The following ANTXR1 variants were observed in gnomAD, a reference collection of about 807,000 sequenced individuals.
ANTXR1 encodes anthrax toxin receptor 1.
In ANTXR1, 19 loss-of-function variants were observed where a neutral mutation model predicts 78.1. That is an observed-to-expected ratio of 0.24 (90% CI 0.17 to 0.36). The LOEUF (loss-of-function observed/expected upper bound fraction) is 0.36, where lower values mean the gene tolerates loss of function less well. ANTXR1 is among the 10% of genes least tolerant of loss of function. The pLI is 1.00. For missense variants in ANTXR1, 518 were observed against 718.6 expected (o/e 0.72, Z 3.19); for synonymous variants, 273 against 260.5 (o/e 1.05, Z -0.46).
intron 1 of ANTXR1, among the ~76,000 whole-genome samples, chr2:69,015,395 G>A (rs1365728258): frequency 2.6e-5 from 4 of 151,798 alleles, no homozygotes; most frequent in Non-Finnish European, 4.4e-5. Flanking sequence ...GATGGTAAAG[G>A]CCAAAGAATA....
chr2:69,245,715 T>C lies in ANTXR1; in HGVS notation c.*230T>C. The C allele has an allele frequency of 3.6e-6, 2 of 553,204 alleles. No individual in the cohort carries two copies. Among genetic ancestry groups the C allele is most frequent in the Non-Finnish European group, 6.3e-6 (2 of 315,508 alleles). The allele number at this position is 553,204 out of a possible 1,614,324, so 34.3% of individuals were successfully genotyped here. ...CTACAGTCAGATTTATAGCCAGCCA[T>C]CTATCACCTCTAGAAGGTTCCAGAG... On this transcript the variant is annotated 3_prime_UTR_variant, in exon 18 of 18. Coordinates refer to ENST00000303714, the MANE Select transcript of ANTXR1 (RefSeq NM_032208.3).
In ANTXR1 at chr2:69,044,811, C is replaced by T; in HGVS notation, c.294C>T (p.Asp98=). 2 of 1,613,692 alleles carry T rather than the reference C, an allele frequency of 1.2e-6. No individual in the cohort carries two copies. The highest frequency in any genetic ancestry group is 8.5e-7 in the Non-Finnish European group (1 of 1,179,658). The change falls in exon 3 of 18, where the codon GAC becomes GAT. Residue 98 remains aspartate (D), a splice_region_variant and synonymous_variant. Transcript: ENST00000303714. The part of the protein sequence containing the change: ...RGTTLMKLTE[D]REQIRQGLEE... ...CAACCTTAATGAAACTGACAGAAGA[C>T]AGGTAAGGATACTTCTTATCTCTGT... is the stretch of plus-strand genomic sequence containing the variant.
chr2:69,069,512 T>A (rs1021116129), intron 3 of ANTXR1, among the ~76,000 whole-genome samples: 1 of 152,202 alleles, frequency 6.6e-6, no homozygotes, highest in Non-Finnish European at 1.5e-5. Flanking sequence ...GAACTGCCAT[T>A]GCCTTTCACT....
At chr2:69,137,202 A>G (rs1672934239) in intron 12 of ANTXR1, among the ~76,000 whole-genome samples, 1 of 152,004 alleles carries the variant, frequency 6.6e-6, no homozygotes, top group Admixed American at 6.5e-5. Flanking sequence ...TTTTAAGTTT[A>G]TGGTTCTACT....
At chr2:69,120,433 A>G (rs1407311037) in intron 10 of ANTXR1, among the ~76,000 whole-genome samples, 1 of 152,228 alleles carries the variant, frequency 6.6e-6, no homozygotes, top group Non-Finnish European at 1.5e-5. Flanking sequence ...TGGGAGGCCG[A>G]GGCAGGCGGA....
At chr2:69,109,857 C>T (rs1224941482) in intron 10 of ANTXR1, among the ~76,000 whole-genome samples, 1 of 152,066 alleles carries the variant, frequency 6.6e-6, no homozygotes, top group African/African-American at 2.4e-5. Flanking sequence ...TTTTTAAATT[C>T]TCTTGTTAAA....
At chr2:69,094,939 A>T (rs1056702148) in intron 9 of ANTXR1, among the ~76,000 whole-genome samples, 1 of 152,238 alleles carries the variant, frequency 6.6e-6, no homozygotes, top group African/African-American at 2.4e-5. Flanking sequence ...GAATGATCAT[A>T]GTTGTCTTGC....
At chr2:69,058,839 G>A (rs1230843598) in intron 3 of ANTXR1, among the ~76,000 whole-genome samples, 2 of 152,202 alleles carry the variant, frequency 1.3e-5, no homozygotes, top group Admixed American at 6.5e-5. Flanking sequence ...ATTCATGCAG[G>A]AGTGGCCAAA....
At chr2:69,170,766 A>G (rs974688450) in intron 14 of ANTXR1, among the ~76,000 whole-genome samples, 4 of 152,184 alleles carry the variant, frequency 2.6e-5, no homozygotes, top group African/African-American at 9.7e-5. Context: ...TTACCTAAAG[A>G]TGGGCCAGGC....
Position 69,162,779 on chromosome 2 carries a change from C to A in ANTXR1, c.1048-7469C>A, listed in dbSNP as rs545541131. On this transcript the variant is annotated intron_variant, in intron 13 of 17. Transcript: ENST00000303714. ...ACACTGAAAATTCTCTGTGTATCAC[C>A]ATTTCTCCTGTAACATGAAATGTGT... Among the ~76,000 whole-genome samples, 28 of 152,206 alleles carry A rather than the reference C, an allele frequency of 1.8e-4. 1 individual carries two copies. In the South Asian group the frequency reaches 5.6e-3, roughly 30 times the overall value.
At chr2:69,042,762 G>A (rs12465132) in intron 2 of ANTXR1, among the ~76,000 whole-genome samples, 8,881 of 151,966 alleles carry the variant, frequency 0.058, 292 homozygotes, top group Admixed American at 0.11. Flanking sequence ...CTGCTTGCTC[G>A]CCAAGGTCTC....
intron 7 of ANTXR1, among the ~76,000 whole-genome samples, chr2:69,075,948 CTGTT>C (rs1227526125): frequency 1.3e-5 from 2 of 152,044 alleles, no homozygotes; most frequent in Admixed American, 6.6e-5. Context: ...CGGGTTTTTT[CTGTT>C]TGTTTGTGTT....
intron 16 of ANTXR1, among the ~76,000 whole-genome samples, chr2:69,189,808 C>G (rs1272411648): frequency 2.0e-5 from 3 of 152,180 alleles, no homozygotes; most frequent in Non-Finnish European, 4.4e-5. Context: ...TGAATCAAGG[C>G]AGGGTGTGCA....
intron 3 of ANTXR1, among the ~76,000 whole-genome samples, chr2:69,060,278 G>C (rs1351103348): frequency 6.6e-6 from 1 of 152,134 alleles, no homozygotes; most frequent in African/African-American, 2.4e-5. Flanking sequence ...CCACACCTTT[G>C]TTTTACTTTG....
intron 16 of ANTXR1, 136 bp downstream of exon 16, chr2:69,182,796 T>C: frequency 1.7e-6 from 2 of 1,183,838 alleles, no homozygotes; most frequent in Admixed American, 2.0e-5. Context: ...TCTAAAATTA[T>C]GGACTTGAAA....
chr2:69,031,173 C>T (rs890991202), intron 1 of ANTXR1, among the ~76,000 whole-genome samples: 17 of 152,062 alleles, frequency 1.1e-4, no homozygotes, highest in African/African-American at 2.4e-4. Context: ...CATTTGCAAC[C>T]GAATATAAAA....
chr2:69,180,703 G>A (rs910512788), intron 14 of ANTXR1, among the ~76,000 whole-genome samples: 2 of 152,198 alleles, frequency 1.3e-5, no homozygotes, highest in Non-Finnish European at 2.9e-5. Context: ...GAATACAATT[G>A]TAAGCATGAC....
intron 9 of ANTXR1, among the ~76,000 whole-genome samples, chr2:69,098,981 G>A (rs187021108): frequency 0.013 from 948 of 72,110 alleles, 6 homozygotes; most frequent in Middle Eastern, 0.11. Context: ...GTGAGACTGC[G>A]TCTAAATAAA....
intron 17 of ANTXR1, among the ~76,000 whole-genome samples, chr2:69,225,758 C>G (rs1232724644): frequency 2.0e-5 from 3 of 152,172 alleles, no homozygotes; most frequent in African/African-American, 7.2e-5. Context: ...CAATGTAGTT[C>G]TTTAGCCTCT....
Sources: gnomAD v4.1 joint callset for allele counts (sites outside exome capture counted in the v4.1 genomes callset) on GRCh38, gnomAD v4.1.1 for gene constraint, MANE v1.5 for transcripts, NCBI Gene and HGNC (gene_info 2026-07-23, HGNC 2026-07-21) for gene names.